The following ANK2 variants were observed in gnomAD, a reference collection of about 807,000 sequenced individuals.
The protein encoded by ANK2 is ankyrin 2, also known as ankyrin-2.
ANK2 carries 83 observed loss-of-function variants against 360.5 expected under a neutral mutation model. That is an observed-to-expected ratio of 0.23 (90% confidence interval 0.19 to 0.28). The LOEUF (loss-of-function observed/expected upper bound fraction) is 0.28, where lower values mean the gene tolerates loss of function less well. Among genes scored for constraint, ANK2 ranks in the 10% least tolerant of loss-of-function variants. The probability of loss-of-function intolerance (pLI) is 1.00; values close to 1 mark genes in which losing one functional copy is unlikely to be tolerated. For missense variants in ANK2, 4,201 were observed against 4,795.7 expected (o/e 0.88, Z 3.66); for synonymous variants, 1,740 against 1,759.5 (o/e 0.99, Z 0.28).
chr4:113,355,451 A>C lies in ANK2; in HGVS notation c.6833A>C (p.Glu2278Ala), dbSNP rs925872525. 1.5e-5 allele frequency: 25 copies of C among 1,613,896 alleles called. No homozygotes were observed. Among genetic ancestry groups the C allele is most frequent in the Non-Finnish European group, 2.1e-5 (25 of 1,180,010 alleles). The change falls in exon 38 of 46, where the codon GAG (glutamate) becomes GCG (alanine). Residue 2278 changes from glutamate to alanine, a missense_variant. Glu to Ala is a moderately radical substitution (Grantham distance 107, BLOSUM62 -1). This residue lies in a region of ANK2 where 2,642 missense variants were observed against 2,714.5 expected (regional missense o/e 0.97). Coordinates refer to ENST00000357077, the MANE Select transcript of ANK2 (RefSeq NM_001148.6). ...ACCACAGAAATTCGTTCAGAAAAAG[A>C]GCATCCCACGACCAAAGACATTACT... is the stretch of plus-strand genomic sequence containing the variant. Reference protein sequence around the residue: ...ETTTEIRSEKEHPTTKDITGG... With the variant: ...ETTTEIRSEKAHPTTKDITGG...
In ANK2 at chr4:113,237,188, C is replaced by G. The variant is rs1264807527; in HGVS notation, c.669+16C>G. The G allele has an allele frequency of 6.2e-7, 1 of 1,611,146 alleles. No individual in the cohort carries two copies. The highest frequency in any genetic ancestry group is 1.7e-5 in the Admixed American group (1 of 60,004). On this transcript the variant is annotated intron_variant, in intron 6 of 45. Coordinates refer to ENST00000357077, the MANE Select transcript of ANK2 (RefSeq NM_001148.6). The stretch of plus-strand genomic sequence containing the variant: ...ACAATCCAAGGTACTTAAAGCTGAA[C>G]ACATTTGTGGAAAGGAACTCTTTGG...
At chr4:113,068,127 G>A (rs1344305849) in intron 1 of ANK2, among the ~76,000 whole-genome samples, 1 of 152,060 alleles carries the variant, frequency 6.6e-6, no homozygotes, top group African/African-American at 2.4e-5. Context: ...CCTGAGTGTT[G>A]GAAAGATGTA....
At chr4:112,887,228 A>G (rs927136012) in intron 1 of ANK2, among the ~76,000 whole-genome samples, 2 of 152,234 alleles carry the variant, frequency 1.3e-5, no homozygotes, top group East Asian at 1.9e-4. Flanking sequence ...TCATGTACAG[A>G]TGGTCCCCAA....
intron 41 of ANK2, 104 bp from the exon 42 acceptor site, chr4:113,367,462 C>T (rs2096578028): frequency 1.8e-6 from 2 of 1,101,780 alleles, no homozygotes; most frequent in Admixed American, 2.0e-5. Flanking sequence ...GGATGTAGCA[C>T]ATTTATCTTC....
the ANK2 span, among the ~76,000 whole-genome samples, chr4:112,792,630 A>G: frequency 2.0e-5 from 3 of 152,200 alleles, no homozygotes; most frequent in African/African-American, 7.2e-5. Flanking sequence ...TAAATATTTT[A>G]TATAACTATA....
intron 2 of ANK2, among the ~76,000 whole-genome samples, chr4:112,912,924 T>C (rs1284168988): frequency 6.6e-6 from 1 of 152,080 alleles, no homozygotes; most frequent in Non-Finnish European, 1.5e-5. Flanking sequence ...AGACATGATG[T>C]AATGAATGTT....
intron 1 of ANK2, among the ~76,000 whole-genome samples, chr4:113,105,412 G>A (rs2093489488): frequency 6.6e-6 from 1 of 152,058 alleles, no homozygotes; most frequent in African/African-American, 2.4e-5. Flanking sequence ...CAGTGACAGA[G>A]GCCAGACAGG....
chr4:113,145,592 C>A (rs2154387969), intron 1 of ANK2: 3 of 1,057,330 alleles, frequency 2.8e-6, no homozygotes, highest in Non-Finnish European at 3.5e-6. Context: ...CATTGACATG[C>A]ATAGCTGGCC....
chr4:112,706,353 C>T, the ANK2 span, among the ~76,000 whole-genome samples: 2 of 152,114 alleles, frequency 1.3e-5, no homozygotes, highest in Non-Finnish European at 2.9e-5. Context: ...CATCGCCCGG[C>T]CCAGGACCAT....
intron 1 of ANK2, among the ~76,000 whole-genome samples, chr4:112,886,962 G>A (rs937271461): frequency 3.9e-5 from 6 of 152,224 alleles, no homozygotes; most frequent in East Asian, 1.9e-4. Flanking sequence ...CCTGTAATGC[G>A]TTCTCCCAAT....
chr4:113,329,606 C>G (rs1424141756), intron 26 of ANK2, among the ~76,000 whole-genome samples: 1 of 152,126 alleles, frequency 6.6e-6, no homozygotes, highest in Non-Finnish European at 1.5e-5. Context: ...TATCCACCTG[C>G]TGTTCATTTC....
chr4:113,128,894 A>G (rs564003883), intron 1 of ANK2, among the ~76,000 whole-genome samples: 7 of 152,328 alleles, frequency 4.6e-5, no homozygotes, highest in Admixed American at 2.6e-4. Context: ...AGGGCCTAGA[A>G]GCAAGGATAC....
At chr4:113,227,961 A>T (rs925833353) in intron 4 of ANK2, among the ~76,000 whole-genome samples, 1 of 152,152 alleles carries the variant, frequency 6.6e-6, no homozygotes, top group Non-Finnish European at 1.5e-5. Context: ...CATTCAAAGC[A>T]TTTTTTACAG....
intron 2 of ANK2, among the ~76,000 whole-genome samples, chr4:113,174,741 G>A (rs769178589): frequency 1.3e-5 from 2 of 152,164 alleles, no homozygotes; most frequent in Non-Finnish European, 2.9e-5. Context: ...ACAACTGAAT[G>A]TCAATTTTGT....
Position 113,311,354 on chromosome 4 carries a change from G to A in ANK2, c.2648G>A (p.Gly883Asp). The A allele has an allele frequency of 6.2e-7, 1 of 1,614,100 alleles. No individual in the cohort carries two copies. ...DSLPSSQFLD[G>D]MNYLRYSLEG... ...CTACCCAGCAGTCAGTTCCTGGATG[G>A]TATGAATTACCTGCGATACAGCTTG... Residue 883 changes from glycine to aspartate, a missense_variant, in exon 24 of 46, where the codon GGT becomes GAT. Gly to Asp is a moderately conservative substitution (Grantham distance 94). Coordinates refer to ENST00000357077, the MANE Select transcript of ANK2 (RefSeq NM_001148.6).
chr4:112,950,649 G>GAA (rs55980674), intron 2 of ANK2, among the ~76,000 whole-genome samples: 2 of 118,778 alleles, frequency 1.7e-5, no homozygotes, highest in Non-Finnish European at 1.9e-5. Flanking sequence ...GTCTCAAAAA[G>GAA]AAAAAAAAAA....
intron 36 of ANK2, 43 bp from the exon 37 acceptor site, chr4:113,350,185 G>A: frequency 3.1e-6 from 5 of 1,587,300 alleles, no homozygotes; most frequent in Non-Finnish European, 3.5e-6. Flanking sequence ...TATGAGCCAA[G>A]GCAGTATTTG....
intron 14 of ANK2, among the ~76,000 whole-genome samples, chr4:113,268,613 G>A (rs939395786): frequency 6.6e-6 from 1 of 152,272 alleles, no homozygotes; most frequent in Admixed American, 6.5e-5. Flanking sequence ...TGATCGTGGT[G>A]GATAAGCTTT....
intron 33 of ANK2, 69 bp downstream of exon 33, chr4:113,341,985 C>T: frequency 7.7e-7 from 1 of 1,304,560 alleles, no homozygotes; most frequent in Non-Finnish European, 1.1e-6. Context: ...GATTACATTT[C>T]AAATATCATT....
Sources: allele counts gnomAD v4.1 joint callset (sites outside exome capture counted in the v4.1 genomes callset), GRCh38; gene constraint gnomAD v4.1.1; regional missense constraint gnomAD v4.1.1; transcripts MANE v1.5; gene names NCBI Gene and HGNC (gene_info 2026-07-23, HGNC 2026-07-21).